The following DEPTOR variants were observed in gnomAD, a reference collection of about 807,000 sequenced individuals.
DEPTOR encodes DEP domain-containing mTOR-interacting protein.
A neutral mutation model predicts 41.6 loss-of-function variants in DEPTOR; 41 were observed. That is an observed-to-expected ratio of 0.98 (90% CI 0.77 to 1.28). The LOEUF is 1.28. DEPTOR is among the 50% of genes most tolerant of loss of function. The probability of loss-of-function intolerance (pLI) is 0.00; values close to 1 mark genes in which losing one functional copy is unlikely to be tolerated. For missense variants in DEPTOR, 514 were observed against 527.9 expected (o/e 0.97, Z 0.26); for synonymous variants, 195 against 192.3 (o/e 1.01, Z -0.12).
intron 1 of DEPTOR, among the ~76,000 whole-genome samples, chr8:119,917,897 G>A (rs969159642): frequency 2.0e-5 from 3 of 152,202 alleles, no homozygotes; most frequent in African/African-American, 7.2e-5. Flanking sequence ...TGGAACATGC[G>A]GGCAGCAATA....
chr8:119,905,435 T>C (rs1308538147), intron 1 of DEPTOR, among the ~76,000 whole-genome samples: 1 of 152,084 alleles, frequency 6.6e-6, no homozygotes, highest in African/African-American at 2.4e-5. Context: ...AGGAGTGCAG[T>C]GCAGGAAGGG....
intron 8 of DEPTOR, among the ~76,000 whole-genome samples, chr8:120,042,548 T>C (rs1386699176): frequency 6.6e-6 from 1 of 152,214 alleles, no homozygotes; most frequent in African/African-American, 2.4e-5. Context: ...GACCGAGTTT[T>C]GCTCTTGTTG....
At position 120,009,131 on chromosome 8, in the gene DEPTOR, A is replaced by G; in HGVS notation, c.1099A>G (p.Lys367Glu). Residue 367 changes from lysine (K) to glutamate (E), a missense_variant and splice_region_variant, in exon 8 of 9, where the codon AAG becomes GAG. Transcript: ENST00000286234. ...PSGPAAAAGMKVCQFVVSVNG... is the reference protein window; with the variant it reads ...PSGPAAAAGMEVCQFVVSVNG... The stretch of plus-strand genomic sequence containing the variant: ...TGGCCCTGCAGCCGCAGCAGGAATG[A>G]AGGTACTAACGGGTCTTTCTCACCC... 1.9e-6 allele frequency: 3 copies of G among 1,613,656 alleles called. No homozygotes were observed. The highest frequency in any genetic ancestry group is 1.7e-6 in the Non-Finnish European group (2 of 1,179,854).
chr8:119,937,685 G>A (rs529670449), intron 3 of DEPTOR, among the ~76,000 whole-genome samples: 1 of 152,216 alleles, frequency 6.6e-6, no homozygotes, highest in East Asian at 1.9e-4. Flanking sequence ...CCATTTTGTG[G>A]ATACTGGCAG....
chr8:119,944,240 C>T (rs1828240371), intron 3 of DEPTOR, among the ~76,000 whole-genome samples: 1 of 152,180 alleles, frequency 6.6e-6, no homozygotes, highest in African/African-American at 2.4e-5. Context: ...TCTCCCATCT[C>T]CTTGAGTGGA....
chr8:119,942,029 C>A (rs78908895), intron 3 of DEPTOR, among the ~76,000 whole-genome samples: 4 of 152,152 alleles, frequency 2.6e-5, no homozygotes, highest in African/African-American at 9.7e-5. Context: ...TCCTTCTTAC[C>A]GTTTCTTTGT....
chr8:120,028,897 C>G (rs1812843418), intron 8 of DEPTOR, among the ~76,000 whole-genome samples: 2 of 151,806 alleles, frequency 1.3e-5, no homozygotes, highest in East Asian at 3.9e-4. Flanking sequence ...CCAGCCTGAC[C>G]AATATGGTGA....
chr8:119,991,030 T>TTTTCTTTTTCTTTCTTTCTTTC (rs1812150925), intron 4 of DEPTOR, among the ~76,000 whole-genome samples: 25 of 53,638 alleles, frequency 4.7e-4, no homozygotes, highest in East Asian at 9.8e-4. Context: ...TCGGGTTTTC[T>TTTTCTTTTTCTTTCTTTCTTTC]TTTCTTTCTT....
intron 3 of DEPTOR, among the ~76,000 whole-genome samples, chr8:119,949,469 C>A (rs1828325595): frequency 6.6e-6 from 1 of 152,198 alleles, no homozygotes; most frequent in Admixed American, 6.6e-5. Flanking sequence ...GAAGTGCCTG[C>A]ACCATTTCAA....
chr8:119,969,213 T>A (rs1250845967), intron 4 of DEPTOR, among the ~76,000 whole-genome samples: 1 of 152,212 alleles, frequency 6.6e-6, no homozygotes, highest in Non-Finnish European at 1.5e-5. Context: ...ATGCTGTGAA[T>A]GGTTTCTAAA....
At chr8:119,964,677 G>C (rs1394602382) in intron 3 of DEPTOR, among the ~76,000 whole-genome samples, 2 of 152,118 alleles carry the variant, frequency 1.3e-5, no homozygotes, top group Non-Finnish European at 1.5e-5. Context: ...CTCTTTTCAA[G>C]ATTGCTAACT....
At chr8:119,927,213 G>A (rs144178020) in intron 1 of DEPTOR, among the ~76,000 whole-genome samples, 100 of 152,234 alleles carry the variant, frequency 6.6e-4, no homozygotes, top group African/African-American at 2.3e-3. Context: ...GGCCGTTTAC[G>A]TGGTCTCTGA....
chr8:120,033,000 A>G (rs1812915091), intron 8 of DEPTOR, among the ~76,000 whole-genome samples: 1 of 151,876 alleles, frequency 6.6e-6, no homozygotes, highest in South Asian at 2.1e-4. Context: ...CCAGTAAAAG[A>G]GAAGTGAGGA....
rs150890450 is a variant in DEPTOR, at chr8:119,984,228, T to G, written c.605-17297T>G. Among the ~76,000 whole-genome samples, 193 of 152,330 alleles carry G rather than the reference T, an allele frequency of 1.3e-3. 2 individuals carry two copies. The highest frequency in any genetic ancestry group is 4.2e-3 in the African/African-American group (176 of 41,572). On this transcript the variant is annotated intron_variant, in intron 4 of 8. Coordinates refer to ENST00000286234, the MANE Select transcript of DEPTOR (RefSeq NM_022783.4). ...GCACACATGGCTAATATTTATGGAA[T>G]CCTTCTATGGACCAGGGACGCTACT...
Position 119,938,944 on chromosome 8 carries a change from GCTCT to G in DEPTOR, c.425+9033_425+9036del, listed in dbSNP as rs139892847. Reference sequence around the variant, plus strand: ...CTTTCTTTTCATTGTGTTCCTTCTTGCTCTCTCTCTCTCTCTCTCTCTCTCTCTC... The same window carrying G: ...CTTTCTTTTCATTGTGTTCCTTCTTGCTCTCTCTCTCTCTCTCTCTCTCTC... On this transcript the variant is annotated intron_variant, in intron 3 of 8. Coordinates refer to ENST00000286234, the MANE Select transcript of DEPTOR (RefSeq NM_022783.4). Among the ~76,000 whole-genome samples the G allele has an allele frequency of 7.4e-3, 928 of 125,972 alleles. 3 individuals are homozygous for G. The highest frequency in any genetic ancestry group is 0.019 in the South Asian group (68 of 3,672). 82.6% of individuals were successfully genotyped at this position (125,972 alleles called of 152,430 possible). A position where few individuals can be genotyped will look rare whatever the true frequency, so the allele number is the denominator to read the frequency against.
chr8:119,926,411 C>T (rs1476311267), intron 1 of DEPTOR, among the ~76,000 whole-genome samples: 1 of 152,182 alleles, frequency 6.6e-6, no homozygotes, highest in East Asian at 1.9e-4. Context: ...TCCTAATGTA[C>T]TAACCTTCAA....
At chr8:119,951,464 C>G (rs1283810251) in intron 3 of DEPTOR, among the ~76,000 whole-genome samples, 2 of 152,116 alleles carry the variant, frequency 1.3e-5, no homozygotes, top group African/African-American at 4.8e-5. Context: ...CTATCTAAAG[C>G]TGATTCAGAT....
chr8:119,905,962 A>T (rs1196705630), intron 1 of DEPTOR, among the ~76,000 whole-genome samples: 2 of 152,078 alleles, frequency 1.3e-5, no homozygotes, highest in African/African-American at 4.8e-5. Flanking sequence ...AATGTTATTT[A>T]TTTATTTATT....
chr8:120,012,795 A>G (rs981839968), intron 8 of DEPTOR, among the ~76,000 whole-genome samples: 1 of 152,118 alleles, frequency 6.6e-6, no homozygotes, highest in African/African-American at 2.4e-5. Flanking sequence ...TCGGCCTCCC[A>G]AAGTGCTGGG....
Sources: gnomAD v4.1 joint callset for allele counts (sites outside exome capture counted in the v4.1 genomes callset) on GRCh38, gnomAD v4.1.1 for gene constraint, MANE v1.5 for transcripts, NCBI Gene and HGNC (gene_info 2026-07-23, HGNC 2026-07-21) for gene names.